The following DCC variants were observed in gnomAD, a reference collection of about 807,000 sequenced individuals.
The protein encoded by DCC is netrin receptor DCC.
In DCC, 58 loss-of-function variants were observed where a neutral mutation model predicts 172.5. The ratio of observed to expected loss-of-function variants is 0.34; its 90% CI spans 0.27 to 0.42. The LOEUF (loss-of-function observed/expected upper bound fraction) is 0.42. Ranked by LOEUF, DCC falls within the 10% of genes least tolerant of loss-of-function variation. DCC has a pLI of 1.00. For synonymous variants in DCC, 709 were observed against 644.5 expected (o/e 1.10, Z -1.52); for missense variants, 1,740 against 1,791.0 (o/e 0.97, Z 0.51).
chr18:53,407,528 G>GATAGATATATATATATATAT (rs1909733032), intron 19 of DCC, among the ~76,000 whole-genome samples: 1 of 117,438 alleles, frequency 8.5e-6, no homozygotes, highest in Non-Finnish European at 1.8e-5. Context: ...TTTTATTCTG[G>GATAGATATATATATATATAT]ATATATATAT....
chr18:53,230,144 C>A (rs926808276), intron 12 of DCC, among the ~76,000 whole-genome samples: 2 of 152,080 alleles, frequency 1.3e-5, no homozygotes, highest in Non-Finnish European at 2.9e-5. Context: ...TCTGCACCTT[C>A]TGTGAAATAC....
chr18:52,821,126 T>C (rs2038398360), intron 2 of DCC, among the ~76,000 whole-genome samples: 2 of 152,226 alleles, frequency 1.3e-5, no homozygotes, highest in Admixed American at 1.3e-4. Flanking sequence ...ATTCATTTTC[T>C]AGTTACCAAA....
intron 2 of DCC, among the ~76,000 whole-genome samples, chr18:52,800,038 C>T (rs2037955004): frequency 6.6e-6 from 1 of 152,114 alleles, no homozygotes; most frequent in Non-Finnish European, 1.5e-5. Flanking sequence ...CAAACATTTG[C>T]TGAACTAGTT....
At chr18:53,432,409 G>T (rs1035302842) in intron 21 of DCC, among the ~76,000 whole-genome samples, 112 of 152,230 alleles carry the variant, frequency 7.4e-4, no homozygotes, top group African/African-American at 2.6e-3. Context: ...TTTAATAAAT[G>T]TTTGAAAGAA....
chr18:53,056,059 G>T, intron 5 of DCC, among the ~76,000 whole-genome samples: 1 of 151,984 alleles, frequency 6.6e-6, no homozygotes. Flanking sequence ...TTTCCTCTTA[G>T]GTGTATTAGT....
chr18:53,414,996 A>G (rs1354608719), intron 20 of DCC, among the ~76,000 whole-genome samples: 1 of 152,352 alleles, frequency 6.6e-6, no homozygotes, highest in African/African-American at 2.4e-5. Context: ...CTTAGGATGT[A>G]ATAGACATAA....
intron 1 of DCC, among the ~76,000 whole-genome samples, chr18:52,400,180 A>G (rs1348955375): frequency 6.6e-6 from 1 of 151,946 alleles, no homozygotes; most frequent in Non-Finnish European, 1.5e-5. Context: ...TTCAAGCTGA[A>G]TGTGTACCCA....
At chr18:53,473,139 C>T (rs866351153) in intron 25 of DCC, among the ~76,000 whole-genome samples, 3 of 152,228 alleles carry the variant, frequency 2.0e-5, no homozygotes, top group Middle Eastern at 3.4e-3. Context: ...AATAATGACT[C>T]CCTTTTATAT....
intron 2 of DCC, among the ~76,000 whole-genome samples, chr18:52,856,625 C>CAAAAAA (rs11426617): frequency 0.12 from 9,690 of 82,642 alleles, 1,201 homozygotes; most frequent in East Asian, 0.34. Flanking sequence ...GACTCCATCT[C>CAAAAAA]AAAAAAAAAA....
chr18:52,856,064 C>T (rs954057691), intron 2 of DCC, among the ~76,000 whole-genome samples: 6 of 152,078 alleles, frequency 3.9e-5, no homozygotes, highest in Middle Eastern at 3.4e-3. Flanking sequence ...CGCGCCCCGC[C>T]ATTAGAGTCT....
chr18:52,796,661 CATG>C (rs2037883182), intron 2 of DCC, among the ~76,000 whole-genome samples: 2 of 152,120 alleles, frequency 1.3e-5, no homozygotes, highest in South Asian at 4.1e-4. Flanking sequence ...TCCTGACCTG[CATG>C]ATTTCTGCTG....
intron 5 of DCC, among the ~76,000 whole-genome samples, chr18:53,023,998 A>C (rs1314632660): frequency 6.6e-6 from 1 of 152,140 alleles, no homozygotes; most frequent in Non-Finnish European, 1.5e-5. Context: ...CAGATGAATA[A>C]ATTTCAAGGG....
intron 1 of DCC, among the ~76,000 whole-genome samples, chr18:52,341,784 C>T (rs1359896533): frequency 6.6e-6 from 1 of 152,190 alleles, no homozygotes; most frequent in Non-Finnish European, 1.5e-5. Flanking sequence ...TGATAAGGTC[C>T]ACTTGTTTTG....
intron 12 of DCC, among the ~76,000 whole-genome samples, chr18:53,256,235 A>G (rs1304323824): frequency 1.3e-5 from 2 of 152,078 alleles, no homozygotes; most frequent in African/African-American, 2.4e-5. Flanking sequence ...CCATTTGTCA[A>G]TTTTGGCTTT....
intron 3 of DCC, among the ~76,000 whole-genome samples, chr18:52,908,968 T>C (rs888349338): frequency 1.2e-4 from 19 of 152,160 alleles, no homozygotes; most frequent in Non-Finnish European, 2.6e-4. Flanking sequence ...TCTCGTATGC[T>C]AGCTGCCAAA....
intron 1 of DCC, among the ~76,000 whole-genome samples, chr18:52,454,446 C>T (rs1330409945): frequency 2.0e-5 from 3 of 151,620 alleles, no homozygotes; most frequent in Non-Finnish European, 4.4e-5. Context: ...AGAGAATATT[C>T]TGGCAATGAG....
At chr18:52,876,061 T>C (rs2039398996) in intron 2 of DCC, among the ~76,000 whole-genome samples, 1 of 152,124 alleles carries the variant, frequency 6.6e-6, no homozygotes, top group Non-Finnish European at 1.5e-5. Context: ...ATCTAGTATT[T>C]TGATGTTCTT....
At chr18:53,033,410 TCTC>T (rs2042050783) in intron 5 of DCC, among the ~76,000 whole-genome samples, 1 of 152,160 alleles carries the variant, frequency 6.6e-6, no homozygotes, top group African/African-American at 2.4e-5. Context: ...ATGTTTCCTT[TCTC>T]CTCATTCCTT....
intron 3 of DCC, among the ~76,000 whole-genome samples, chr18:52,922,511 A>G (rs887789053): frequency 6.6e-6 from 1 of 152,118 alleles, no homozygotes; most frequent in African/African-American, 2.4e-5. Flanking sequence ...AAAAGATTTC[A>G]TTGCCTCATT....
Sources: gnomAD v4.1 joint callset for allele counts (sites outside exome capture counted in the v4.1 genomes callset) on GRCh38, gnomAD v4.1.1 for gene constraint, MANE v1.5 for transcripts, NCBI Gene and HGNC (gene_info 2026-07-23, HGNC 2026-07-21) for gene names.